MECOM: variants seen among roughly 807,000 people sequenced by gnomAD.
MECOM encodes the protein MDS1 and EVI1 complex locus, also known as histone-lysine N-methyltransferase MECOM.
Under a neutral mutation model 116.3 loss-of-function variants are expected in MECOM, and 13 were observed. The observed-to-expected ratio is 0.11, with a 90% CI of 0.07 to 0.18. The LOEUF is 0.18. Ranked by LOEUF, MECOM falls within the 10% of genes least tolerant of loss-of-function variation. The pLI is 1.00. For missense variants in MECOM, 1,299 were observed against 1,509.0 expected (o/e 0.86, Z 2.31); for synonymous variants, 528 against 535.2 (o/e 0.99, Z 0.19).
At chr3:169,361,897 G>T (rs1013467748) in intron 2 of MECOM, among the ~76,000 whole-genome samples, 3 of 151,704 alleles carry the variant, frequency 2.0e-5, no homozygotes, top group Non-Finnish European at 4.4e-5. Context: ...AGATGGCGAG[G>T]AATAGAATTA....
At chr3:169,456,137 G>GA (rs992150760) in intron 1 of MECOM, among the ~76,000 whole-genome samples, 4 of 151,624 alleles carry the variant, frequency 2.6e-5, no homozygotes, top group Admixed American at 2.0e-4. Context: ...ATTCTGGGAA[G>GA]AAAAAAAAAT....
In MECOM at chr3:169,278,556, T is replaced by A. The variant is rs567582394; in HGVS notation, c.375+102631A>T. Among the ~76,000 whole-genome samples, 4 of 152,356 alleles carry A rather than the reference T, an allele frequency of 2.6e-5. No homozygotes were observed. In the South Asian group the frequency reaches 6.2e-4, roughly 24 times the overall value. On this transcript the variant is annotated intron_variant, in intron 2 of 16. Coordinates refer to ENST00000651503, the MANE Select transcript of MECOM (RefSeq NM_004991.4). ...TTCAAATAATCTCAGAAACAGTACC[T>A]GCTAAGGATGGTTTCCAAAGGTTAG...
At chr3:169,299,646 A>G (rs564080653) in intron 2 of MECOM, among the ~76,000 whole-genome samples, 11 of 152,308 alleles carry the variant, frequency 7.2e-5, no homozygotes, top group African/African-American at 2.2e-4. Context: ...AACTTCATGA[A>G]TCACAGCCCC....
intron 1 of MECOM, among the ~76,000 whole-genome samples, chr3:169,606,929 A>T (rs1277532987): frequency 1.3e-5 from 2 of 152,220 alleles, no homozygotes; most frequent in African/African-American, 4.8e-5. Flanking sequence ...GGAGGCTAGA[A>T]ATGTAGCCTA....
At chr3:169,474,469 G>A (rs1284624326) in intron 1 of MECOM, among the ~76,000 whole-genome samples, 1 of 151,980 alleles carries the variant, frequency 6.6e-6, no homozygotes, top group African/African-American at 2.4e-5. Context: ...ATACCACCTT[G>A]GGTTGATGGG....
intron 1 of MECOM, among the ~76,000 whole-genome samples, chr3:169,549,327 G>C (rs911233891): frequency 5.9e-5 from 9 of 151,436 alleles, no homozygotes; most frequent in Admixed American, 3.3e-4. Context: ...ATTCAGGAGT[G>C]ACCAAGAAAC....
chr3:169,432,767 C>A (rs1161688147), intron 1 of MECOM, among the ~76,000 whole-genome samples: 1 of 152,184 alleles, frequency 6.6e-6, no homozygotes, highest in Non-Finnish European at 1.5e-5. Context: ...AGATATGCAG[C>A]ACCTTTTTAA....
Position 169,083,858 on chromosome 3 carries a change from T to C in MECOM, c.*1051A>G, listed in dbSNP as rs550032159. On this transcript the variant is annotated 3_prime_UTR_variant, in exon 17 of 17. Coordinates refer to ENST00000651503, the MANE Select transcript of MECOM (RefSeq NM_004991.4). Reference sequence around the variant, plus strand: ...GCTTCCATGAAAGAAATTATAATCGTTTATACAATTGAATCGATTTCAGTA... The same window carrying C: ...GCTTCCATGAAAGAAATTATAATCGCTTATACAATTGAATCGATTTCAGTA... 8 of 218,104 alleles carry C rather than the reference T, an allele frequency of 3.7e-5. No individual in the cohort carries two copies. In the Admixed American group the frequency reaches 4.1e-4, roughly 11 times the overall value. The allele number at this position is 218,104 out of a possible 1,614,324, so 13.5% of individuals were successfully genotyped here.
intron 1 of MECOM, among the ~76,000 whole-genome samples, chr3:169,426,253 T>C (rs1167315897): frequency 6.6e-6 from 1 of 152,186 alleles, no homozygotes; most frequent in African/African-American, 2.4e-5. Context: ...TTTAATAATA[T>C]TTTAAGAAAG....
intron 1 of MECOM, among the ~76,000 whole-genome samples, chr3:169,485,883 A>G (rs200236732): frequency 2.0e-5 from 2 of 98,032 alleles, no homozygotes; most frequent in Non-Finnish European, 4.1e-5. Context: ...ATGTATATAT[A>G]TGTATATATA....
chr3:169,282,336 C>T (rs539938373), intron 2 of MECOM, among the ~76,000 whole-genome samples: 8 of 152,180 alleles, frequency 5.3e-5, no homozygotes, highest in Admixed American at 3.9e-4. Context: ...CCATGAAGTG[C>T]GATTTGAGGG....
At chr3:169,420,592 C>T (rs1395585563) in intron 1 of MECOM, among the ~76,000 whole-genome samples, 1 of 152,088 alleles carries the variant, frequency 6.6e-6, no homozygotes, top group Non-Finnish European at 1.5e-5. Context: ...ATGGCAGTTT[C>T]CTCCACGGAC....
intron 1 of MECOM, among the ~76,000 whole-genome samples, chr3:169,540,636 A>G (rs1759951786): frequency 6.6e-6 from 1 of 151,932 alleles, no homozygotes; most frequent in Non-Finnish European, 1.5e-5. Context: ...CTGATCACCT[A>G]CTATGTAGAT....
rs748224161 is a variant in MECOM at position 169,146,613 on chromosome 3, G to A, written c.376-2781C>T. 2.2e-6 allele frequency: 3 copies of A among 1,369,686 alleles called. No individual in the cohort carries two copies. The South Asian group carries it at 3.4e-5, about 16-fold the overall frequency. The allele number at this position is 1,369,686 out of a possible 1,614,324, so 84.8% of individuals were successfully genotyped here. The stretch of plus-strand genomic sequence containing the variant: ...CTGCGGGCGAGGAGGAAAGAAGGCT[G>A]GGGGCGGGGGGCGCCCGTAGAAACG... On this transcript the variant is annotated intron_variant, in intron 2 of 16. Transcript: ENST00000651503.
At chr3:169,570,561 C>A (rs1161663602) in intron 1 of MECOM, among the ~76,000 whole-genome samples, 1 of 152,088 alleles carries the variant, frequency 6.6e-6, no homozygotes, top group Non-Finnish European at 1.5e-5. Flanking sequence ...GGCCAATATC[C>A]CTGATGAACA....
At position 169,550,972 on chromosome 3, in the gene MECOM, C is replaced by T. The variant is rs1251292791; in HGVS notation, c.37+112364G>A. ...CCAAGTAGCTGGGACTACAGGCGCC[C>T]GCCACTACGCCCGGCTAATTTTTTG... On this transcript the variant is annotated intron_variant, in intron 1 of 16. Transcript: ENST00000651503. Among the ~76,000 whole-genome samples the T allele has an allele frequency of 2.4e-5, 3 of 126,776 alleles. 1 individual carries two copies. Among genetic ancestry groups the T allele is most frequent in the East Asian group, 5.0e-4 (1 of 1,996 alleles). The allele number at this position is 126,776 out of a possible 152,430, so 83.2% of individuals were successfully genotyped here. A position where few individuals can be genotyped will look rare whatever the true frequency, so the allele number is the denominator to read the frequency against.
At chr3:169,294,456 A>G (rs1715209868) in intron 2 of MECOM, among the ~76,000 whole-genome samples, 1 of 152,192 alleles carries the variant, frequency 6.6e-6, no homozygotes, top group Non-Finnish European at 1.5e-5. Flanking sequence ...CAAACAAAGT[A>G]AAAATGTTAG....
chr3:169,397,536 T>C (rs1735200271), intron 1 of MECOM, among the ~76,000 whole-genome samples: 1 of 152,200 alleles, frequency 6.6e-6, no homozygotes, highest in Non-Finnish European at 1.5e-5. Flanking sequence ...AAACAATGTG[T>C]GCTTTGAAAC....
intron 16 of MECOM, among the ~76,000 whole-genome samples, 192 bp downstream of exon 16, chr3:169,088,808 T>A (rs930330244): frequency 2.0e-5 from 3 of 152,164 alleles, no homozygotes; most frequent in African/African-American, 7.2e-5. Flanking sequence ...GCTAAATTAA[T>A]TGCTTTCTTG....
Sources: allele counts gnomAD v4.1 joint callset (sites outside exome capture counted in the v4.1 genomes callset), GRCh38; gene constraint gnomAD v4.1.1; transcripts MANE v1.5; gene names NCBI Gene and HGNC (gene_info 2026-07-23, HGNC 2026-07-21).